Variants in UBE3C observed in about 807,000 individuals in gnomAD.
The protein encoded by UBE3C is ubiquitin-protein ligase E3C.
UBE3C carries 42 observed loss-of-function variants against 129.4 expected under a neutral mutation model. That is an observed-to-expected ratio of 0.32 (90% CI 0.25 to 0.42). UBE3C has a LOEUF of 0.42. Ranked by LOEUF, UBE3C falls within the 10% of genes least tolerant of loss-of-function variation. The pLI is 1.00. For synonymous variants in UBE3C, 510 were observed against 492.4 expected (o/e 1.04, Z -0.47); for missense variants, 1,049 against 1,319.1 (o/e 0.80, Z 3.17).
chr7:157,238,926 G>A (rs1796222985), intron 18 of UBE3C, among the ~76,000 whole-genome samples: 1 of 152,142 alleles, frequency 6.6e-6, no homozygotes, highest in African/African-American at 2.4e-5. Context: ...GAGAAAGGTG[G>A]GTATTGTGTG....
chr7:157,259,542 A>C (rs1796843031), intron 22 of UBE3C, among the ~76,000 whole-genome samples: 1 of 152,276 alleles, frequency 6.6e-6, no homozygotes. Flanking sequence ...AGAGATATTT[A>C]GAATTTAAAA....
chr7:157,207,370 GT>G (rs1240365992), intron 11 of UBE3C, 27 bp from the exon 12 acceptor site: 3 of 1,589,278 alleles, frequency 1.9e-6, no homozygotes, highest in Admixed American at 1.9e-5. Flanking sequence ...AAAGTGACTG[GT>G]TTTTTTCTTC....
chr7:157,256,820 C>A, intron 21 of UBE3C, 94 bp from the exon 22 acceptor site: 1 of 1,518,778 alleles, frequency 6.6e-7, no homozygotes, highest in Non-Finnish European at 8.9e-7. Context: ...GATCCATGGA[C>A]TTTAGTTTCC....
At chr7:157,223,179 T>C (rs1371498366) in intron 15 of UBE3C, 75 bp from the exon 16 acceptor site, 1 of 1,452,886 alleles carries the variant, frequency 6.9e-7, no homozygotes, top group African/African-American at 1.4e-5. Context: ...TCAAGAATCT[T>C]CACCTTAAGA....
chr7:157,243,763 C>T (rs1443222515), intron 18 of UBE3C, among the ~76,000 whole-genome samples: 2 of 152,144 alleles, frequency 1.3e-5, no homozygotes, highest in African/African-American at 2.4e-5. Context: ...GTATACATAA[C>T]CTGAAACCCA....
intron 22 of UBE3C, among the ~76,000 whole-genome samples, chr7:157,257,528 A>G (rs1796782758): frequency 6.6e-6 from 1 of 152,000 alleles, no homozygotes; most frequent in South Asian, 2.1e-4. Context: ...TGAAGTCAGG[A>G]GTTCGAGACC....
chr7:157,246,084 G>A (rs539709042), intron 18 of UBE3C, among the ~76,000 whole-genome samples: 1 of 151,262 alleles, frequency 6.6e-6, no homozygotes, highest in South Asian at 2.1e-4. Context: ...TTTGCTTTTG[G>A]GAAAACCTCA....
At chr7:157,218,381 G>A (rs1041090509) in intron 14 of UBE3C, among the ~76,000 whole-genome samples, 6 of 151,826 alleles carry the variant, frequency 4.0e-5, no homozygotes, top group African/African-American at 9.7e-5. Flanking sequence ...CCTGGGATGC[G>A]GAGGTTGCAG....
At chr7:157,199,401 A>G (rs941381763) in intron 10 of UBE3C, among the ~76,000 whole-genome samples, 2 of 152,036 alleles carry the variant, frequency 1.3e-5, no homozygotes, top group African/African-American at 4.8e-5. Flanking sequence ...ATCTATTATC[A>G]TTTTCTAATA....
intron 15 of UBE3C, chr7:157,222,246 T>G (rs992623543): frequency 6.6e-6 from 1 of 152,232 alleles, no homozygotes; most frequent in African/African-American, 2.4e-5. Context: ...GATATGTGAT[T>G]TGCAAATATT....
At position 157,267,835 on chromosome 7, in the gene UBE3C, TCA is replaced by T; in HGVS notation, c.*84_*85del. On this transcript the variant is annotated 3_prime_UTR_variant, in exon 23 of 23. Coordinates refer to ENST00000348165, the MANE Select transcript of UBE3C (RefSeq NM_014671.3). ...CGCCTCCCCAGACCCACGAGGATACTCACACTGCACGCCTGAGGCTCTCCTAA... is the reference window on the plus strand; with the variant it reads ...CGCCTCCCCAGACCCACGAGGATACTCACTGCACGCCTGAGGCTCTCCTAA... 4 of 1,290,862 alleles carry T rather than the reference TCA, an allele frequency of 3.1e-6. No individual in the cohort carries two copies. Among genetic ancestry groups the T allele is most frequent in the Non-Finnish European group, 4.2e-6 (4 of 953,528 alleles). The allele number at this position is 1,290,862 out of a possible 1,614,324, so 80.0% of individuals were successfully genotyped here.
intron 1 of UBE3C, among the ~76,000 whole-genome samples, chr7:157,159,437 G>A (rs1808007530): frequency 6.6e-6 from 1 of 152,150 alleles, no homozygotes; most frequent in Non-Finnish European, 1.5e-5. Context: ...ATTAATATGT[G>A]AATATTACCA....
intron 1 of UBE3C, among the ~76,000 whole-genome samples, chr7:157,163,111 C>T (rs934281277): frequency 2.4e-4 from 36 of 152,152 alleles, no homozygotes; most frequent in Non-Finnish European, 3.7e-4. Context: ...GATGGCCGGG[C>T]GCGGTGGTTC....
chr7:157,232,334 A>G (rs146722830), intron 18 of UBE3C, among the ~76,000 whole-genome samples: 7 of 152,216 alleles, frequency 4.6e-5, no homozygotes, highest in South Asian at 2.1e-4. Context: ...AAAGTTGAGT[A>G]TTCAGGAATT....
chr7:157,246,322 A>G (rs899147002), intron 18 of UBE3C, among the ~76,000 whole-genome samples: 35 of 152,228 alleles, frequency 2.3e-4, no homozygotes, highest in African/African-American at 8.2e-4. Context: ...GCAGTGGCTC[A>G]CAGTTGAAAC....
chr7:157,242,525 T>TTTTG (rs1796363653), intron 18 of UBE3C, among the ~76,000 whole-genome samples: 1 of 147,418 alleles, frequency 6.8e-6, no homozygotes, highest in African/African-American at 2.5e-5. Context: ...TTTTTTTTTT[T>TTTTG]TTTTTTTTTT....
At chr7:157,223,432 T>G in intron 16 of UBE3C, 81 bp downstream of exon 16, 8 of 1,228,454 alleles carry the variant, frequency 6.5e-6, no homozygotes, top group Admixed American at 2.3e-5. Flanking sequence ...GAGAAATCTC[T>G]AAAGGTGCCT....
intron 2 of UBE3C, among the ~76,000 whole-genome samples, chr7:157,166,492 G>C (rs890763269): frequency 3.9e-5 from 6 of 152,146 alleles, no homozygotes; most frequent in African/African-American, 9.7e-5. Context: ...TGTATTCTCA[G>C]CACTTTGGGA....
intron 6 of UBE3C, among the ~76,000 whole-genome samples, chr7:157,180,191 A>C (rs997019386): frequency 2.0e-5 from 3 of 152,234 alleles, no homozygotes; most frequent in South Asian, 4.1e-4. Flanking sequence ...CTTTTAAATT[A>C]TAGTATTACC....
Sources: allele counts gnomAD v4.1 joint callset (sites outside exome capture counted in the v4.1 genomes callset), GRCh38; gene constraint gnomAD v4.1.1; transcripts MANE v1.5; gene names NCBI Gene and HGNC (gene_info 2026-07-23, HGNC 2026-07-21).